Variants in GPC6 observed in about 807,000 individuals in gnomAD.
The protein encoded by GPC6 is glypican 6, also known as glypican-6.
GPC6 carries 14 observed loss-of-function variants against 55.2 expected under a neutral mutation model. The ratio of observed to expected loss-of-function variants is 0.25; its 90% CI spans 0.17 to 0.40. The LOEUF (loss-of-function observed/expected upper bound fraction) is 0.40. Among genes scored for constraint, GPC6 ranks in the 10% least tolerant of loss-of-function variants. The pLI is 1.00. For missense variants in GPC6, 641 were observed against 708.5 expected (o/e 0.90, Z 1.08); for synonymous variants, 278 against 259.6 (o/e 1.07, Z -0.68).
At chr13:94,009,326 G>A (rs1461120592) in intron 3 of GPC6, among the ~76,000 whole-genome samples, 1 of 152,158 alleles carries the variant, frequency 6.6e-6, no homozygotes, top group Non-Finnish European at 1.5e-5. Flanking sequence ...CTTCCAAACT[G>A]TAAGTCAAAA....
At chr13:93,410,435 G>A (rs182863914) in intron 1 of GPC6, among the ~76,000 whole-genome samples, 7 of 152,228 alleles carry the variant, frequency 4.6e-5, no homozygotes, top group African/African-American at 1.7e-4. Flanking sequence ...CATGCTCACG[G>A]GTACTAATAG....
intron 6 of GPC6, among the ~76,000 whole-genome samples, chr13:94,339,014 T>C (rs980166839): frequency 1.4e-4 from 22 of 152,122 alleles, no homozygotes; most frequent in African/African-American, 5.3e-4. Context: ...AATCAGTTAG[T>C]TAAAGGCTAT....
chr13:93,973,851 A>G (rs575490760), intron 3 of GPC6, among the ~76,000 whole-genome samples: 1 of 152,162 alleles, frequency 6.6e-6, no homozygotes, highest in Non-Finnish European at 1.5e-5. Flanking sequence ...AAAGGGGTAC[A>G]TGATCTAAAA....
intron 6 of GPC6, among the ~76,000 whole-genome samples, chr13:94,348,203 A>G (rs1157607922): frequency 6.6e-6 from 1 of 152,212 alleles, no homozygotes; most frequent in East Asian, 1.9e-4. Flanking sequence ...TATATGGTAC[A>G]ATATCCTCTT....
intron 4 of GPC6, among the ~76,000 whole-genome samples, chr13:94,232,317 G>A (rs1282149367): frequency 6.6e-6 from 1 of 152,196 alleles, no homozygotes; most frequent in African/African-American, 2.4e-5. Context: ...GAGCAGGAGA[G>A]ACATGTCCTG....
At chr13:94,297,691 T>G (rs1398197521) in intron 5 of GPC6, among the ~76,000 whole-genome samples, 3 of 152,206 alleles carry the variant, frequency 2.0e-5, no homozygotes, top group Non-Finnish European at 4.4e-5. Flanking sequence ...GAGTAAATTT[T>G]TTAAACCTTA....
intron 1 of GPC6, among the ~76,000 whole-genome samples, chr13:93,527,177 A>T (rs1881683014): frequency 6.6e-6 from 1 of 152,128 alleles, no homozygotes; most frequent in African/African-American, 2.4e-5. Flanking sequence ...TAGCAGTCAA[A>T]CAAATTAACA....
At chr13:93,217,360 T>C in the GPC6 span, among the ~76,000 whole-genome samples, 2 of 152,254 alleles carry the variant, frequency 1.3e-5, no homozygotes, top group South Asian at 2.1e-4. Context: ...TTTTGAAATA[T>C]TTCTTGGGCA....
intron 6 of GPC6, among the ~76,000 whole-genome samples, chr13:94,335,074 C>T (rs930062124): frequency 5.9e-5 from 9 of 152,130 alleles, no homozygotes; most frequent in African/African-American, 2.2e-4. Context: ...GAGTGTGCTG[C>T]GGCCCAAAGG....
chr13:93,461,734 C>T (rs1878700654), intron 1 of GPC6, among the ~76,000 whole-genome samples: 1 of 152,056 alleles, frequency 6.6e-6, no homozygotes, highest in Admixed American at 6.6e-5. Context: ...ATCTTTGTTA[C>T]CAGCCTATTG....
intron 2 of GPC6, among the ~76,000 whole-genome samples, chr13:93,764,583 A>AACAC (rs10595180): frequency 0.033 from 4,890 of 148,520 alleles, 96 homozygotes; most frequent in East Asian, 0.09. Flanking sequence ...TAAAGATGTA[A>AACAC]ACACACACAC....
intron 4 of GPC6, among the ~76,000 whole-genome samples, chr13:94,119,732 C>T (rs956792709): frequency 6.6e-6 from 1 of 152,032 alleles, no homozygotes; most frequent in Admixed American, 6.6e-5. Flanking sequence ...GCCTTGTAGA[C>T]CTGTGTAAGG....
chr13:93,833,107 TAGAGAGAGAGAGAG>T (rs367949345), intron 3 of GPC6, among the ~76,000 whole-genome samples: 1,925 of 109,050 alleles, frequency 0.018, 62 homozygotes, highest in African/African-American at 0.037. Context: ...AGGTAGATGA[TAGAGAGAGAGAGAG>T]AGAGAGAGAG....
intron 4 of GPC6, among the ~76,000 whole-genome samples, chr13:94,217,645 C>G (rs1890263030): frequency 6.6e-6 from 1 of 152,122 alleles, no homozygotes. Context: ...CAAGCTCAAA[C>G]TATGAAAAAC....
At chr13:94,288,180 A>G (rs1892582731) in intron 5 of GPC6, among the ~76,000 whole-genome samples, 1 of 152,124 alleles carries the variant, frequency 6.6e-6, no homozygotes, top group East Asian at 1.9e-4. Context: ...AATTAACATA[A>G]CATAGCACCA....
At chr13:94,365,480 T>C (rs1317097755) in intron 6 of GPC6, among the ~76,000 whole-genome samples, 1 of 152,202 alleles carries the variant, frequency 6.6e-6, no homozygotes, top group Non-Finnish European at 1.5e-5. Context: ...AAAGTAGCAT[T>C]TATTATGCAC....
At chr13:93,623,813 A>C (rs1343999051) in intron 2 of GPC6, among the ~76,000 whole-genome samples, 1 of 151,912 alleles carries the variant, frequency 6.6e-6, no homozygotes, top group Non-Finnish European at 1.5e-5. Context: ...ATCTTCTTGT[A>C]GTTTTGATTT....
At chr13:93,484,784 G>T (rs1879640590) in intron 1 of GPC6, among the ~76,000 whole-genome samples, 1 of 152,078 alleles carries the variant, frequency 6.6e-6, no homozygotes, top group African/African-American at 2.4e-5. Flanking sequence ...CTTTGAATTT[G>T]TCAATTCTGT....
intron 1 of GPC6, among the ~76,000 whole-genome samples, chr13:93,384,384 G>GTT (rs10640733): frequency 0.072 from 10,360 of 143,380 alleles, 523 homozygotes; most frequent in African/African-American, 0.14. Context: ...CCTGAAAACC[G>GTT]TTTTTTTTTT....
Sources: allele counts gnomAD v4.1 joint callset (sites outside exome capture counted in the v4.1 genomes callset), GRCh38; gene constraint gnomAD v4.1.1; transcripts MANE v1.5; gene names NCBI Gene and HGNC (gene_info 2026-07-23, HGNC 2026-07-21).